NAF1: variants seen among roughly 807,000 people sequenced by gnomAD.
NAF1 encodes H/ACA ribonucleoprotein complex non-core subunit NAF1.
NAF1 carries 11 observed loss-of-function variants against 40.6 expected under a neutral mutation model. The ratio of observed to expected loss-of-function variants is 0.27; its 90% confidence interval spans 0.17 to 0.45. NAF1 has a LOEUF of 0.45. Ranked by LOEUF, NAF1 falls within the 20% of genes least tolerant of loss-of-function variation. The probability of loss-of-function intolerance (pLI) is 1.00; values close to 1 mark genes in which losing one functional copy is unlikely to be tolerated. For synonymous variants in NAF1, 260 were observed against 228.5 expected, an observed-to-expected ratio of 1.14 and a Z score of -1.24; for missense variants, 607 against 611.1, an observed-to-expected ratio of 0.99 and a Z score of 0.07.
At chr4:163,144,044 G>GA (rs1486788848) in intron 4 of NAF1, 1 of 974,752 alleles carries the variant, frequency 1.0e-6, no homozygotes, top group Non-Finnish European at 1.2e-6. Flanking sequence ...GAGTCCTCTA[G>GA]AAAATCATCA....
intron 7 of NAF1, among the ~76,000 whole-genome samples, chr4:163,130,666 G>A (rs28815012): frequency 0.26 from 39,915 of 152,106 alleles, 5,641 homozygotes; most frequent in African/African-American, 0.37. Flanking sequence ...TTTAACGAAG[G>A]AGCAAAAGCA....
chr4:163,164,967 C>A (rs1732391643), intron 1 of NAF1, among the ~76,000 whole-genome samples: 1 of 151,998 alleles, frequency 6.6e-6, no homozygotes, highest in Admixed American at 6.5e-5. Context: ...TGGCTCCCCA[C>A]TTGAAGCCCT....
chr4:163,149,350 T>C (rs575029477), intron 2 of NAF1, among the ~76,000 whole-genome samples: 1 of 152,194 alleles, frequency 6.6e-6, no homozygotes, highest in East Asian at 1.9e-4. Flanking sequence ...TTGGAAAAGG[T>C]GGGAAAACCT....
chr4:163,131,479 G>A (rs1162890359), intron 7 of NAF1, among the ~76,000 whole-genome samples: 2 of 151,952 alleles, frequency 1.3e-5, no homozygotes, highest in African/African-American at 4.8e-5. Context: ...TATACTGAAA[G>A]GTAAAGGACC....
intron 7 of NAF1, among the ~76,000 whole-genome samples, chr4:163,130,272 T>A (rs1730820568): frequency 6.6e-6 from 1 of 151,788 alleles, no homozygotes; most frequent in South Asian, 2.1e-4. Flanking sequence ...CAAGCAAGGG[T>A]GTCACAAAGA....
At chr4:163,115,244 T>G (rs1274300191) in intron 2 of NAF1, among the ~76,000 whole-genome samples, 1 of 137,636 alleles carries the variant, frequency 7.3e-6, no homozygotes, top group Non-Finnish European at 1.5e-5. Context: ...AGTCTCGCTC[T>G]GTCGCCCAGG....
chr4:163,113,235 C>T (rs1235219837), intron 2 of NAF1, among the ~76,000 whole-genome samples: 1 of 152,122 alleles, frequency 6.6e-6, no homozygotes, highest in Non-Finnish European at 1.5e-5. Flanking sequence ...TATCACAAAG[C>T]GATCCCCCTT....
intron 4 of NAF1, among the ~76,000 whole-genome samples, chr4:163,140,887 ACAACTAATAAAGTAGAAGTTATTTAT>A (rs1731234581): frequency 6.6e-6 from 1 of 152,226 alleles, no homozygotes; most frequent in South Asian, 2.1e-4. Context: ...TTCTAATTTA[ACAACTAATAAAGTAGAAGTTATTTAT>A]GTTTAAAAAA....
intron 2 of NAF1, among the ~76,000 whole-genome samples, chr4:163,119,153 T>C (rs2291059): frequency 6.6e-6 from 1 of 152,336 alleles, no homozygotes; most frequent in East Asian, 1.9e-4. Context: ...TCCATTTGTA[T>C]CTTATCCTTT....
At position 163,146,749 on chromosome 4, in the gene NAF1, C is replaced by T. The variant is rs141081584; in HGVS notation, c.635-885G>A. On this transcript the variant is annotated intron_variant, in intron 3 of 7. Transcript: ENST00000274054. ...ACGGCTTGAGCCCAGGAGTTTGAGACCAGCCTGGGCAACGTAGCAAGACCT... is the reference window on the plus strand; with the variant it reads ...ACGGCTTGAGCCCAGGAGTTTGAGATCAGCCTGGGCAACGTAGCAAGACCT... Among the ~76,000 whole-genome samples the T allele has an allele frequency of 3.8e-3, 575 of 152,276 alleles. 5 individuals carry two copies. The highest frequency in any genetic ancestry group is 0.013 in the African/African-American group (549 of 41,544).
At chr4:163,120,759 C>G (rs1028371633) in intron 2 of NAF1, among the ~76,000 whole-genome samples, 1 of 151,958 alleles carries the variant, frequency 6.6e-6, no homozygotes, top group African/African-American at 2.4e-5. Flanking sequence ...CCATTTGATA[C>G]ATGAATCTGT....
In NAF1 at chr4:163,130,976, C is replaced by T. The variant is rs113810550; in HGVS notation, c.1034-1628G>A. Among the ~76,000 whole-genome samples, 414 of 152,274 alleles carry T rather than the reference C, an allele frequency of 2.7e-3. 2 individuals are homozygous for T. Among genetic ancestry groups the T allele is most frequent in the African/African-American group, 9.4e-3 (389 of 41,566 alleles). ...TCACTGCAACCTCCGCTGCCCGGGT[C>T]CCAGCTGACGCAATTCTCCTGCCTC... On this transcript the variant is annotated intron_variant, in intron 7 of 7. Coordinates refer to ENST00000274054, the MANE Select transcript of NAF1 (RefSeq NM_138386.3).
intron 3 of NAF1, among the ~76,000 whole-genome samples, 176 bp downstream of exon 3, chr4:163,148,163 CTG>C (rs1286736973): frequency 1.3e-5 from 2 of 152,092 alleles, no homozygotes; most frequent in African/African-American, 2.4e-5. Context: ...TATAAATAAA[CTG>C]TATTTATATA....
intron 7 of NAF1, among the ~76,000 whole-genome samples, chr4:163,132,872 G>T (rs1730922939): frequency 6.6e-6 from 1 of 152,232 alleles, no homozygotes; most frequent in South Asian, 2.1e-4. Context: ...TCAAGTACTT[G>T]ATCATAAAAT....
chr4:163,122,147 A>G (rs990311151), downstream of NAF1, among the ~76,000 whole-genome samples: 1 of 152,226 alleles, frequency 6.6e-6, no homozygotes, highest in African/African-American at 2.4e-5. Context: ...TTAGGACTTT[A>G]AGAAACTGTT....
At chr4:163,112,741 C>T (rs770605974) in intron 2 of NAF1, among the ~76,000 whole-genome samples, 4 of 152,174 alleles carry the variant, frequency 2.6e-5, no homozygotes, top group Non-Finnish European at 5.9e-5. Flanking sequence ...GCTCTATGTC[C>T]ACCCAATAAA....
downstream of NAF1, among the ~76,000 whole-genome samples, chr4:163,125,103 G>C (rs1730615890): frequency 6.6e-6 from 1 of 152,178 alleles, no homozygotes; most frequent in South Asian, 2.1e-4. Flanking sequence ...TGTATGTTCT[G>C]ACTGCTCCAC....
At chr4:163,141,654 A>C (rs1472126027) in intron 4 of NAF1, among the ~76,000 whole-genome samples, 2 of 152,204 alleles carry the variant, frequency 1.3e-5, no homozygotes, top group Non-Finnish European at 2.9e-5. Context: ...ACATATATAA[A>C]TCACTATACT....
intron 2 of NAF1, chr4:163,110,352 TTAC>T (rs1730122914): frequency 1.5e-6 from 1 of 677,324 alleles, no homozygotes; most frequent in South Asian, 1.6e-5. Context: ...CACATAACTG[TTAC>T]TACAAAATAT....
Sources: gnomAD v4.1 joint callset for allele counts (sites outside exome capture counted in the v4.1 genomes callset) on GRCh38, gnomAD v4.1.1 for gene constraint, MANE v1.5 for transcripts, NCBI Gene and HGNC (gene_info 2026-07-23, HGNC 2026-07-21) for gene names.